MUC5AC: variants seen among roughly 807,000 people sequenced by gnomAD.
The protein encoded by MUC5AC is mucin 5AC, oligomeric mucus/gel-forming.
A neutral mutation model predicts 169.7 loss-of-function variants in MUC5AC; 158 were observed. That is an observed-to-expected ratio of 0.93 (90% CI 0.82 to 1.06). The LOEUF (loss-of-function observed/expected upper bound fraction) is 1.06, where lower values mean the gene tolerates loss of function less well. Among genes scored for constraint, MUC5AC ranks in the 50% least tolerant of loss-of-function variants. The pLI is 0.00. For synonymous variants in MUC5AC, 1,975 were observed against 1,237.0 expected (o/e 1.60, Z -12.52); for missense variants, 4,359 against 3,089.9 (o/e 1.41, Z -9.74).
In MUC5AC at chr11:1,197,564, G is replaced by A. The variant is rs1454472616; in HGVS notation, c.15958G>A (p.Ala5320Thr). 1 of 717,244 alleles carries A rather than the reference G, an allele frequency of 1.4e-6. No homozygotes were observed. The highest frequency in any genetic ancestry group is 1.9e-5 in the Admixed American group (1 of 52,630). 44.4% of individuals were successfully genotyped at this position (717,244 alleles called of 1,614,324 possible). ...ACCCAAGCTCTGCCCGCTGCCCCCT[G>A]CCTGCCCCCTGCCCGGCTTCGTGCC... ...CRPKLCPLPP[A>T]CPLPGFVPVP... The change falls in exon 41 of 49, where the codon GCC (alanine) becomes ACC (threonine). Residue 5320 changes from alanine to threonine, a missense_variant. By Grantham distance (58) the Ala-to-Thr change is moderately conservative. Transcript: ENST00000621226.
chr11:1,192,980 A>T lies in MUC5AC; in HGVS notation c.14578A>T (p.Lys4860Ter). ...LGCPNAVPPR[K>*]KGETWATPNC... ...ATGCCCAAATGCGGTTCCCCCCAGAAAGGTAACCCCCTACTTCTCACCCTT... is the reference window on the plus strand; with the variant it reads ...ATGCCCAAATGCGGTTCCCCCCAGATAGGTAACCCCCTACTTCTCACCCTT... Residue 4860 changes from lysine (K) to a stop codon, truncating the protein, a stop_gained and splice_region_variant, in exon 32 of 49, where the codon AAG becomes TAG. Coordinates refer to ENST00000621226, the MANE Select transcript of MUC5AC (RefSeq NM_001304359.2). LOFTEE classifies it high-confidence loss of function. 1.4e-6 allele frequency: 1 copy of T among 709,696 alleles called. No homozygotes were observed. The highest frequency in any genetic ancestry group is 2.6e-6 in the Non-Finnish European group (1 of 385,620). 44.0% of individuals were successfully genotyped at this position (709,696 alleles called of 1,614,324 possible). A position where few individuals can be genotyped will look rare whatever the true frequency, so the allele number is the denominator to read the frequency against.
chr11:1,166,499 A>G, intron 11 of MUC5AC, among the ~76,000 whole-genome samples: 1 of 132,024 alleles, frequency 7.6e-6, no homozygotes, highest in African/African-American at 3.0e-5. Context: ...CCACGATGAG[A>G]CCCTGCACCC....
chr11:1,164,387 C>A lies in MUC5AC; in HGVS notation c.1004-20C>A, dbSNP rs1860240872. 6.2e-7 allele frequency: 1 copy of A among 1,612,026 alleles called. No homozygotes were observed. The highest frequency in any genetic ancestry group is 1.1e-5 in the South Asian group (1 of 91,002). On this transcript the variant is annotated intron_variant, in intron 8 of 48. Transcript: ENST00000621226. The stretch of plus-strand genomic sequence containing the variant: ...AGGGCAGGGGCAGGCAGACGTGAGC[C>A]CTCTCTCTGCCTCCCGCAGCCCAGA...
intron 33 of MUC5AC, among the ~76,000 whole-genome samples, 183 bp from the exon 34 acceptor site, chr11:1,193,927 C>T (rs1373375202): frequency 6.6e-6 from 1 of 152,236 alleles, no homozygotes; most frequent in Admixed American, 6.5e-5. Flanking sequence ...TTGTCAAGCG[C>T]CCGCTGGATG....
At chr11:1,195,630 G>C (rs1212920999) in intron 36 of MUC5AC, among the ~76,000 whole-genome samples, 1 of 138,394 alleles carries the variant, frequency 7.2e-6, no homozygotes, top group Non-Finnish European at 1.5e-5. Context: ...GGCAGGGGCT[G>C]GGGGGGCCAG....
chr11:1,164,798 G>C (rs1860261767), intron 9 of MUC5AC, among the ~76,000 whole-genome samples: 1 of 148,854 alleles, frequency 6.7e-6, no homozygotes, highest in Non-Finnish European at 1.5e-5. Flanking sequence ...CCCCTGTCCC[G>C]GGCCCCTGAG....
Position 1,195,054 on chromosome 11 carries a change from G to A in MUC5AC, c.15233G>A (p.Arg5078Lys), listed in dbSNP as rs762017312. The A allele has an allele frequency of 1.3e-6, 1 of 752,634 alleles. No homozygotes were observed. Among genetic ancestry groups the A allele is most frequent in the South Asian group, 1.4e-5 (1 of 72,472 alleles). The allele number at this position is 752,634 out of a possible 1,614,324, so 46.6% of individuals were successfully genotyped here. The change falls in exon 36 of 49, where the codon AGG (arginine) becomes AAG (lysine). Residue 5078 changes from arginine to lysine, a missense_variant. Transcript: ENST00000621226. ...AGGAAGGATGAGTGCCGCACGCCTA[G>A]GGGGACGGTGGTCGCTTCCTGCTCC... ...NDRKDECRTP[R>K]GTVVASCSEM...
chr11:1,187,231 C>A lies in MUC5AC; in HGVS notation c.9086C>A (p.Thr3029Asn), dbSNP rs1477077809. 1.4e-4 allele frequency: 95 copies of A among 699,758 alleles called. No homozygotes were observed. The highest frequency in any genetic ancestry group is 4.1e-4 in the Admixed American group (20 of 48,698). 43.3% of individuals were successfully genotyped at this position (699,758 alleles called of 1,614,324 possible). The stretch of plus-strand genomic sequence containing the variant: ...ACCTTAGCTCCTACAACCAGCACAA[C>A]CTCTGCCCCTACAACCAGCACAACC... ...STTLAPTTST[T>N]SAPTTSTTST... is the part of the protein sequence containing the mutation. Residue 3029 changes from threonine to asparagine, a missense_variant, in exon 31 of 49, where the codon ACC becomes AAC. By Grantham distance (65) the Thr-to-Asn change is moderately conservative (BLOSUM62 0). Transcript: ENST00000621226.
intron 4 of MUC5AC, 100 bp downstream of exon 4, chr11:1,162,268 T>C (rs1860166032): frequency 1.3e-6 from 2 of 1,498,572 alleles, no homozygotes; most frequent in Non-Finnish European, 1.8e-6. Flanking sequence ...TGTGGATTTC[T>C]CAGGAAGCCC....
chr11:1,160,718 A>C, intron 2 of MUC5AC, 29 bp downstream of exon 2: 1 of 1,590,638 alleles, frequency 6.3e-7, no homozygotes, highest in Non-Finnish European at 8.6e-7. Flanking sequence ...CCCCCACCCT[A>C]AGCCTGTCAG....
At chr11:1,160,813 C>G in intron 2 of MUC5AC, 124 bp downstream of exon 2, 1 of 960,898 alleles carries the variant, frequency 1.0e-6, no homozygotes, top group South Asian at 1.6e-5. Flanking sequence ...AGGACCAAAC[C>G]TGGGGGGACA....
intron 25 of MUC5AC, 135 bp from the exon 26 acceptor site, chr11:1,178,957 C>T: frequency 2.4e-6 from 1 of 424,602 alleles, no homozygotes; most frequent in Non-Finnish European, 4.1e-6. Flanking sequence ...CAGCCGGCCA[C>T]TTGGGGATGG....
At position 1,184,645 on chromosome 11, in the gene MUC5AC, C is replaced by A. The variant is rs1860887302; in HGVS notation, c.6500C>A (p.Ala2167Asp). The change falls in exon 31 of 49, where the codon GCC (alanine) becomes GAC (aspartate). Residue 2167 changes from alanine (A) to aspartate (D), a missense_variant. Coordinates refer to ENST00000621226, the MANE Select transcript of MUC5AC (RefSeq NM_001304359.2). ...GAGATCACCAGGCTCCAGTGCCGAGCCAAGAGCCACCCAGAGGTGAGCATC... is the reference window on the plus strand; with the variant it reads ...GAGATCACCAGGCTCCAGTGCCGAGACAAGAGCCACCCAGAGGTGAGCATC... Reference protein sequence around the residue: ...PEEITRLQCRAKSHPEVSIEH... With the variant: ...PEEITRLQCRDKSHPEVSIEH... 3.0e-6 allele frequency: 2 copies of A among 659,758 alleles called. No homozygotes were observed. The highest frequency in any genetic ancestry group is 1.8e-5 in the African/African-American group (1 of 55,880). The allele number at this position is 659,758 out of a possible 1,614,324, so 40.9% of individuals were successfully genotyped here. A position where few individuals can be genotyped will look rare whatever the true frequency, so the allele number is the denominator to read the frequency against.
chr11:1,171,570 C>A (rs1396919233), intron 15 of MUC5AC, among the ~76,000 whole-genome samples: 120 of 142,386 alleles, frequency 8.4e-4, no homozygotes, highest in African/African-American at 3.0e-3. Context: ...CTCACCCACT[C>A]ACTTACCCAT....
chr11:1,179,962 T>TGC (rs1860776829), intron 26 of MUC5AC, 60 bp from the exon 27 acceptor site: 1 of 398,300 alleles, frequency 2.5e-6, no homozygotes, highest in East Asian at 3.6e-5. Flanking sequence ...AGCCCTGGGG[T>TGC]GCGGGGCCTC....
At chr11:1,168,441 C>A (rs1295216557) in intron 12 of MUC5AC, 42 bp from the exon 13 acceptor site, 1 of 1,596,120 alleles carries the variant, frequency 6.3e-7, no homozygotes, top group South Asian at 1.1e-5. Context: ...TGAGGTGCCG[C>A]AAGCCTGCCC....
chr11:1,194,158 C>T lies in MUC5AC; in HGVS notation c.14804C>T (p.Thr4935Ile), dbSNP rs754165034. The change falls in exon 34 of 49, where the codon ACC becomes ATC. Residue 4935 changes from threonine to isoleucine, a missense_variant. Physicochemically the swap from Thr to Ile is moderately conservative, Grantham distance 89. Transcript: ENST00000621226. ...GDPHYITFDG[T>I]YYTFLDNCTY... ...CCCCACTACATCACCTTCGACGGCA[C>T]CTACTACACCTTCCTGGACAACTGC... 5.2e-6 allele frequency: 4 copies of T among 764,940 alleles called. No individual in the cohort carries two copies. In the African/African-American group the frequency reaches 6.8e-5, roughly 13 times the overall value. The allele number at this position is 764,940 out of a possible 1,614,324, so 47.4% of individuals were successfully genotyped here.
In MUC5AC at chr11:1,190,354, C is replaced by T; in HGVS notation, c.12209C>T (p.Pro4070Leu). ...ACACCTGTGACAGCTCCTAGCACCC[C>T]TAGTGGGAGAGCCACCAGCCCAACT... ...TSTPVTAPST[P>L]SGRATSPTQS... The change falls in exon 31 of 49, where the codon CCT (proline) becomes CTT (leucine). Residue 4070 changes from proline (P) to leucine (L), a missense_variant. Physicochemically the swap from Pro to Leu is moderately conservative, Grantham distance 98. Transcript: ENST00000621226. The T allele has an allele frequency of 1.5e-6, 1 of 656,488 alleles. No homozygotes were observed. The highest frequency in any genetic ancestry group is 2.8e-6 in the Non-Finnish European group (1 of 363,204). The allele number at this position is 656,488 out of a possible 1,614,324, so 40.7% of individuals were successfully genotyped here. A position where few individuals can be genotyped will look rare whatever the true frequency, so the allele number is the denominator to read the frequency against.
rs1860301879 is a variant in MUC5AC, at chr11:1,165,672, CCTGCT to C, written c.1302_1306del (p.Ser435AlafsTer10). ...TGCCAGGAGGTTCCATGCCCGGGTA[CCTGCT>C]CTGTGCTTGGAGGTGCCCACTTCTC... is the stretch of plus-strand genomic sequence containing the variant. On this transcript the variant is annotated frameshift_variant, in exon 11 of 49. Coordinates refer to ENST00000621226, the MANE Select transcript of MUC5AC (RefSeq NM_001304359.2). LOFTEE classifies it high-confidence loss of function. 2 of 1,612,512 alleles carry C rather than the reference CCTGCT, an allele frequency of 1.2e-6. No individual in the cohort carries two copies. The highest frequency in any genetic ancestry group is 1.7e-6 in the Non-Finnish European group (2 of 1,179,772).
Sources: allele counts gnomAD v4.1 joint callset (sites outside exome capture counted in the v4.1 genomes callset), GRCh38; gene constraint gnomAD v4.1.1; transcripts MANE v1.5; gene names NCBI Gene and HGNC (gene_info 2026-07-23, HGNC 2026-07-21).